UGGT2: variants seen among roughly 807,000 people sequenced by gnomAD.
The protein encoded by UGGT2 is UDP-glucose:glycoprotein glucosyltransferase 2.
Under a neutral mutation model 192.1 loss-of-function variants are expected in UGGT2, and 180 were observed. The observed-to-expected ratio is 0.94, with a 90% CI of 0.83 to 1.06. UGGT2 has a LOEUF of 1.06. Ranked by LOEUF, UGGT2 falls within the 50% of genes least tolerant of loss-of-function variation. The probability of loss-of-function intolerance (pLI) is 0.00; values close to 1 mark genes in which losing one functional copy is unlikely to be tolerated. For synonymous variants in UGGT2, 580 were observed against 591.0 expected, an observed-to-expected ratio of 0.98 and a Z score of 0.27; for missense variants, 1,849 against 1,795.7, an observed-to-expected ratio of 1.03 and a Z score of -0.54.
chr13:96,018,687 A>G (rs1201835358), intron 4 of UGGT2, among the ~76,000 whole-genome samples: 6 of 151,992 alleles, frequency 3.9e-5, no homozygotes, highest in African/African-American at 1.4e-4. Flanking sequence ...GGACAATGAG[A>G]ATATCACATA....
intron 22 of UGGT2, among the ~76,000 whole-genome samples, chr13:95,900,270 G>A (rs1022624719): frequency 1.3e-5 from 2 of 151,992 alleles, no homozygotes; most frequent in African/African-American, 4.8e-5. Flanking sequence ...GGGCTGAAAG[G>A]AAAAACAATA....
intron 27 of UGGT2, among the ~76,000 whole-genome samples, chr13:95,880,391 T>C (rs907162869): frequency 1.2e-4 from 18 of 152,202 alleles, no homozygotes; most frequent in Non-Finnish European, 2.1e-4. Flanking sequence ...TAAATGATAG[T>C]ACATCTTTTT....
intron 17 of UGGT2, 127 bp downstream of exon 17, chr13:95,936,797 A>G (rs1221740728): frequency 3.1e-6 from 3 of 970,658 alleles, no homozygotes; most frequent in East Asian, 5.9e-5. Flanking sequence ...TATCATTTTA[A>G]AAATCACTAT....
chr13:95,885,652 G>T (rs1428081445), intron 26 of UGGT2, among the ~76,000 whole-genome samples: 1 of 152,176 alleles, frequency 6.6e-6, no homozygotes, highest in Non-Finnish European at 1.5e-5. Flanking sequence ...AGGCAGTGGT[G>T]ATCACTGGGA....
chr13:95,939,578 A>G (rs1187793898), intron 16 of UGGT2, among the ~76,000 whole-genome samples: 1 of 150,658 alleles, frequency 6.6e-6, no homozygotes, highest in African/African-American at 2.4e-5. Flanking sequence ...TGTTTATGAT[A>G]TATGACATTT....
At chr13:95,932,155 T>C (rs370533610) in intron 17 of UGGT2, among the ~76,000 whole-genome samples, 3 of 152,356 alleles carry the variant, frequency 2.0e-5, no homozygotes, top group East Asian at 3.9e-4. Context: ...TGTTGGGCAG[T>C]ATGGCCATGT....
At chr13:95,968,075 T>C (rs1315549982) in intron 12 of UGGT2, among the ~76,000 whole-genome samples, 5 of 152,132 alleles carry the variant, frequency 3.3e-5, no homozygotes, top group African/African-American at 1.2e-4. Flanking sequence ...ACTCCTTTTA[T>C]AATAATATTA....
intron 20 of UGGT2, among the ~76,000 whole-genome samples, chr13:95,912,519 C>A (rs1278674523): frequency 2.0e-5 from 3 of 152,108 alleles, no homozygotes; most frequent in African/African-American, 7.2e-5. Context: ...ACCTAGTAAT[C>A]CAACTTACAA....
At chr13:96,010,054 A>T (rs1000054776) in intron 5 of UGGT2, among the ~76,000 whole-genome samples, 1 of 152,162 alleles carries the variant, frequency 6.6e-6, no homozygotes, top group Non-Finnish European at 1.5e-5. Context: ...TGGTACTGTA[A>T]ACTAGTTCAT....
intron 20 of UGGT2, among the ~76,000 whole-genome samples, chr13:95,921,593 A>C (rs1057038502): frequency 6.6e-6 from 1 of 152,140 alleles, no homozygotes; most frequent in Non-Finnish European, 1.5e-5. Flanking sequence ...ACAAATCAAG[A>C]GGACAAAAAC....
chr13:95,862,962 A>C (rs1382058045), intron 31 of UGGT2, among the ~76,000 whole-genome samples: 1 of 152,162 alleles, frequency 6.6e-6, no homozygotes, highest in East Asian at 1.9e-4. Context: ...TCCCAGACTC[A>C]AGCAATCCTC....
intron 38 of UGGT2, among the ~76,000 whole-genome samples, chr13:95,804,340 T>G (rs892113702): frequency 6.6e-6 from 1 of 152,128 alleles, no homozygotes; most frequent in African/African-American, 2.4e-5. Context: ...ACATTCCACA[T>G]TCATGAGCTG....
Position 95,801,774 on chromosome 13 carries a change from C to G in UGGT2, c.*16G>C, listed in dbSNP as rs773911105. ...TTCCTGTCATGCTTTCGCCTTCCTT[C>G]TCATATACACCAGTGCTAGAGTTCA... On this transcript the variant is annotated 3_prime_UTR_variant, in exon 39 of 39. Transcript: ENST00000376747. 2 of 1,611,386 alleles carry G rather than the reference C, an allele frequency of 1.2e-6. No individual in the cohort carries two copies. The highest frequency in any genetic ancestry group is 1.7e-6 in the Non-Finnish European group (2 of 1,178,806).
In UGGT2 at chr13:95,972,645, C is replaced by T; in HGVS notation, c.1119G>A (p.Gln373=). 1.2e-6 allele frequency: 2 copies of T among 1,613,724 alleles called. No individual in the cohort carries two copies. Among genetic ancestry groups the T allele is most frequent in the Non-Finnish European group, 8.5e-7 (1 of 1,179,802 alleles). Residue 373 remains glutamine, a synonymous_variant, in exon 11 of 39, where the codon CAG becomes CAA. Transcript: ENST00000376747. ...TTATAAATAGACGAGCATCGCCTGG[C>T]TGAATTTTAAATCTAACTTGAAGAT... ...QKDLQVRFKI[Q]PGDARLFING...
At chr13:95,911,056 C>T (rs377326419) in intron 20 of UGGT2, among the ~76,000 whole-genome samples, 11 of 152,106 alleles carry the variant, frequency 7.2e-5, no homozygotes, top group South Asian at 2.1e-4. Context: ...AAAGACACAA[C>T]GTACCAGAAT....
intron 20 of UGGT2, among the ~76,000 whole-genome samples, chr13:95,919,406 T>C (rs1199960158): frequency 6.6e-6 from 1 of 152,152 alleles, no homozygotes; most frequent in Non-Finnish European, 1.5e-5. Flanking sequence ...GGTATTCAAA[T>C]AGGAAGAGAG....
chr13:96,033,277 G>C (rs2052893773), intron 1 of UGGT2, among the ~76,000 whole-genome samples: 1 of 152,202 alleles, frequency 6.6e-6, no homozygotes, highest in Non-Finnish European at 1.5e-5. Context: ...CCTGTCTAGA[G>C]TGGCAGCTGC....
chr13:95,844,641 C>T (rs1888206812), intron 36 of UGGT2, among the ~76,000 whole-genome samples: 1 of 152,172 alleles, frequency 6.6e-6, no homozygotes, highest in Non-Finnish European at 1.5e-5. Flanking sequence ...TATCTTGCAA[C>T]TTTGTGAAAT....
intron 12 of UGGT2, among the ~76,000 whole-genome samples, chr13:95,952,055 C>CCAA (rs533323419): frequency 2.3e-4 from 33 of 143,692 alleles, no homozygotes; most frequent in African/African-American, 6.9e-4. Flanking sequence ...GAGACTGTCT[C>CCAA]AAAAAAAAAA....
Sources: gnomAD v4.1 joint callset for allele counts (sites outside exome capture counted in the v4.1 genomes callset) on GRCh38, gnomAD v4.1.1 for gene constraint, MANE v1.5 for transcripts, NCBI Gene and HGNC (gene_info 2026-07-23, HGNC 2026-07-21) for gene names.